The following BMAL2 variants were observed in gnomAD, a reference collection of about 807,000 sequenced individuals.
BMAL2 encodes basic helix-loop-helix ARNT like 2.
chr12:27,401,787 G>A, the BMAL2 span: 7 of 697,076 alleles, frequency 1.0e-5, no homozygotes, highest in Non-Finnish European at 1.5e-5. Flanking sequence ...GCCTTTTATT[G>A]TAACTTGAGA....
At chr12:27,344,159 C>T in the BMAL2 span, among the ~76,000 whole-genome samples, 7,381 of 152,166 alleles carry the variant, frequency 0.049, 452 homozygotes, top group East Asian at 0.34. Flanking sequence ...AAGATTAAGG[C>T]GGCAGAACTA....
At chr12:27,368,495 A>G in the BMAL2 span, 2 of 1,488,146 alleles carry the variant, frequency 1.3e-6, no homozygotes, top group African/African-American at 2.8e-5. Context: ...ATCATTAATT[A>G]TTTCCAAGTT....
At chr12:27,357,729 C>T in the BMAL2 span, among the ~76,000 whole-genome samples, 2 of 152,144 alleles carry the variant, frequency 1.3e-5, no homozygotes, top group Non-Finnish European at 2.9e-5. Flanking sequence ...TTACAGCCAA[C>T]TGATCTTCGA....
chr12:27,347,545 C>A, the BMAL2 span, among the ~76,000 whole-genome samples: 1 of 152,272 alleles, frequency 6.6e-6, no homozygotes, highest in Non-Finnish European at 1.5e-5. Flanking sequence ...ATCTGCAGGA[C>A]ATTGTAGGAC....
the BMAL2 span, among the ~76,000 whole-genome samples, chr12:27,356,429 G>A: frequency 1.3e-5 from 2 of 152,120 alleles, no homozygotes; most frequent in Admixed American, 6.6e-5. Flanking sequence ...CCATGAACTA[G>A]TACAATCTAC....
chr12:27,375,577 A>G, the BMAL2 span, among the ~76,000 whole-genome samples: 44 of 152,294 alleles, frequency 2.9e-4, no homozygotes, highest in African/African-American at 1.0e-3. Flanking sequence ...ATGTTTAGGA[A>G]ATGCTGGAAG....
the BMAL2 span, among the ~76,000 whole-genome samples, chr12:27,382,135 C>T: frequency 6.6e-6 from 1 of 152,330 alleles, no homozygotes; most frequent in African/African-American, 2.4e-5. Flanking sequence ...CTTTTACCCA[C>T]AGCTGAGGCT....
At chr12:27,396,219 G>A in the BMAL2 span, among the ~76,000 whole-genome samples, 1 of 152,196 alleles carries the variant, frequency 6.6e-6, no homozygotes, top group African/African-American at 2.4e-5. Context: ...AGTGTGGTTA[G>A]GATCACCCGT....
At chr12:27,373,168 G>A in the BMAL2 span, among the ~76,000 whole-genome samples, 1 of 152,134 alleles carries the variant, frequency 6.6e-6, no homozygotes, top group Admixed American at 6.5e-5. Context: ...CAAAGAGAGT[G>A]GCCCTGGACA....
chr12:27,357,865 GA>G, the BMAL2 span, among the ~76,000 whole-genome samples: 2 of 152,124 alleles, frequency 1.3e-5, no homozygotes, highest in African/African-American at 2.4e-5. Context: ...ATCATCTCAA[GA>G]TGGATCAAGG....
the BMAL2 span, among the ~76,000 whole-genome samples, chr12:27,367,601 T>C: frequency 1.3e-5 from 2 of 151,824 alleles, no homozygotes; most frequent in Admixed American, 1.3e-4. Context: ...TTTTTCTGTG[T>C]TTTCTGTGTT....
chr12:27,425,191 T>A, the BMAL2 span: 2 of 152,218 alleles, frequency 1.3e-5, no homozygotes, highest in Non-Finnish European at 2.9e-5. Context: ...TTGGTATTTT[T>A]AAATTTTTGT....
At chr12:27,385,409 A>G in the BMAL2 span, 1 of 861,448 alleles carries the variant, frequency 1.2e-6, no homozygotes, top group Admixed American at 2.0e-5. Flanking sequence ...CAGCAGCAGC[A>G]TTGCTAATGT....
At chr12:27,373,814 T>C in the BMAL2 span, among the ~76,000 whole-genome samples, 1 of 152,248 alleles carries the variant, frequency 6.6e-6, no homozygotes, top group Non-Finnish European at 1.5e-5. Context: ...AACTGCATTG[T>C]ATTTTGAAAT....
the BMAL2 span, among the ~76,000 whole-genome samples, chr12:27,417,707 A>G: frequency 6.6e-6 from 1 of 152,128 alleles, no homozygotes; most frequent in African/African-American, 2.4e-5. Context: ...AAAAGTATTT[A>G]TCTTGGCCAG....
At chr12:27,385,571 A>G in the BMAL2 span, 1 of 1,546,272 alleles carries the variant, frequency 6.5e-7, no homozygotes, top group African/African-American at 1.4e-5. Flanking sequence ...GTAACTAAAG[A>G]TATATTTGTC....
chr12:27,369,513 T>C, the BMAL2 span, among the ~76,000 whole-genome samples: 87 of 152,382 alleles, frequency 5.7e-4, no homozygotes, highest in Non-Finnish European at 1.3e-4. Context: ...TGGATGCTTC[T>C]GAAAACTATA....
At chr12:27,335,560 A>T in the BMAL2 span, among the ~76,000 whole-genome samples, 1 of 152,246 alleles carries the variant, frequency 6.6e-6, no homozygotes, top group Non-Finnish European at 1.5e-5. Context: ...TGAGTCAGAA[A>T]TCAAACGTCA....
chr12:27,368,558 G>A, the BMAL2 span: 1 of 1,048,894 alleles, frequency 9.5e-7, no homozygotes, highest in Non-Finnish European at 1.4e-6. Flanking sequence ...TGCTACCTTT[G>A]TCGGTGACTG....
Sources: gnomAD v4.1 joint callset for allele counts (sites outside exome capture counted in the v4.1 genomes callset) on GRCh38, gnomAD v4.1.1 for gene constraint, MANE v1.5 for transcripts, NCBI Gene and HGNC (gene_info 2026-07-23, HGNC 2026-07-21) for gene names.